TMC1: variants seen among roughly 807,000 people sequenced by gnomAD.
TMC1 encodes transmembrane channel like 1, also known as transmembrane channel-like protein 1.
A neutral mutation model predicts 105.8 loss-of-function variants in TMC1; 84 were observed. The observed-to-expected ratio is 0.79, with a 90% CI of 0.67 to 0.95. The LOEUF (loss-of-function observed/expected upper bound fraction) is 0.95. Among genes scored for constraint, TMC1 ranks in the 40% least tolerant of loss-of-function variants. TMC1 has a pLI of 0.00. For synonymous variants in TMC1, 315 were observed against 311.5 expected, an observed-to-expected ratio of 1.01 and a Z score of -0.12; for missense variants, 817 against 914.1, an observed-to-expected ratio of 0.89 and a Z score of 1.37.
intron 9 of TMC1, among the ~76,000 whole-genome samples, chr9:72,740,861 A>G (rs922758521): frequency 2.6e-5 from 4 of 152,208 alleles, no homozygotes; most frequent in Admixed American, 1.3e-4. Context: ...ATATATATAT[A>G]TACTCACATA....
intron 5 of TMC1, among the ~76,000 whole-genome samples, chr9:72,653,995 T>G (rs1825850169): frequency 6.6e-6 from 1 of 152,232 alleles, no homozygotes; most frequent in Non-Finnish European, 1.5e-5. Context: ...CTGAGTAGTA[T>G]TCTATTGTAT....
chr9:72,712,335 A>C (rs980941684), intron 8 of TMC1, among the ~76,000 whole-genome samples: 14 of 152,144 alleles, frequency 9.2e-5, no homozygotes, highest in African/African-American at 3.4e-4. Flanking sequence ...TGGGGATAGC[A>C]TTGAACCTAC....
At chr9:72,661,603 C>A (rs1349365954) in intron 5 of TMC1, among the ~76,000 whole-genome samples, 1 of 152,120 alleles carries the variant, frequency 6.6e-6, no homozygotes, top group African/African-American at 2.4e-5. Context: ...AAGTATGCAC[C>A]AGTTACATGT....
chr9:72,708,821 G>A (rs111856160), intron 8 of TMC1, among the ~76,000 whole-genome samples: 3 of 152,184 alleles, frequency 2.0e-5, no homozygotes, highest in South Asian at 2.1e-4. Context: ...GGGCATCCTC[G>A]TCTTGTTCCA....
chr9:72,650,873 T>TATATATAC (rs1825794258), intron 5 of TMC1, among the ~76,000 whole-genome samples: 1 of 128,492 alleles, frequency 7.8e-6, no homozygotes, highest in Non-Finnish European at 1.6e-5. Context: ...TGGTGTATTT[T>TATATATAC]ATATATATAG....
intron 8 of TMC1, among the ~76,000 whole-genome samples, chr9:72,706,689 C>T (rs1826745369): frequency 6.6e-6 from 1 of 152,140 alleles, no homozygotes; most frequent in African/African-American, 2.4e-5. Context: ...TTTTCCATTC[C>T]TGAATTACTT....
intron 2 of TMC1, among the ~76,000 whole-genome samples, chr9:72,578,935 GA>G (rs1824432555): frequency 6.6e-6 from 1 of 152,146 alleles, no homozygotes; most frequent in African/African-American, 2.4e-5. Flanking sequence ...GTCGTTGGAT[GA>G]ATTTCCAGTT....
chr9:72,728,358 A>AT (rs1350503511), intron 8 of TMC1, among the ~76,000 whole-genome samples: 1 of 152,184 alleles, frequency 6.6e-6, no homozygotes, highest in African/African-American at 2.4e-5. Context: ...CTCTTGACTG[A>AT]TAAGTCTGGA....
chr9:72,666,322 C>T (rs1826041929), intron 5 of TMC1, among the ~76,000 whole-genome samples: 2 of 151,812 alleles, frequency 1.3e-5, no homozygotes, highest in Non-Finnish European at 2.9e-5. Context: ...ATGAGAGATG[C>T]AATGAGTAAT....
At chr9:72,609,937 C>T (rs1037465100) in intron 2 of TMC1, among the ~76,000 whole-genome samples, 1 of 152,090 alleles carries the variant, frequency 6.6e-6, no homozygotes, top group Non-Finnish European at 1.5e-5. Flanking sequence ...CACCTTTATG[C>T]TCTCTGGACT....
At chr9:72,672,823 A>AACAC (rs34028814) in intron 5 of TMC1, among the ~76,000 whole-genome samples, 6,509 of 139,826 alleles carry the variant, frequency 0.047, 250 homozygotes, top group African/African-American at 0.098. Flanking sequence ...AAGCCTGGGC[A>AACAC]ACACACACAC....
intron 5 of TMC1, among the ~76,000 whole-genome samples, chr9:72,657,986 G>A (rs911524344): frequency 2.6e-5 from 4 of 151,994 alleles, no homozygotes; most frequent in Admixed American, 2.0e-4. Context: ...TGTGGTATGG[G>A]GAAAAGTCAG....
At chr9:72,707,742 G>A (rs1159360172) in intron 8 of TMC1, among the ~76,000 whole-genome samples, 3 of 152,014 alleles carry the variant, frequency 2.0e-5, no homozygotes, top group Non-Finnish European at 4.4e-5. Flanking sequence ...TCCCTTTGCT[G>A]TGCAGAAGCT....
intron 1 of TMC1, among the ~76,000 whole-genome samples, chr9:72,538,394 C>CTTGTA (rs71357577): frequency 0.16 from 22,382 of 143,770 alleles, 1,814 homozygotes; most frequent in Admixed American, 0.19. Context: ...GGATAAAATA[C>CTTGTA]TTGTATTGTA....
intron 2 of TMC1, among the ~76,000 whole-genome samples, chr9:72,578,756 T>C (rs2132097031): frequency 6.6e-6 from 1 of 152,350 alleles, no homozygotes; most frequent in South Asian, 2.1e-4. Context: ...ATAATACATG[T>C]CATTTTTCAT....
intron 1 of TMC1, among the ~76,000 whole-genome samples, chr9:72,528,531 T>C (rs1165444550): frequency 6.6e-6 from 1 of 151,998 alleles, no homozygotes; most frequent in Admixed American, 6.6e-5. Flanking sequence ...ACAGGGTTTC[T>C]CCATGTTGGT....
intron 2 of TMC1, among the ~76,000 whole-genome samples, chr9:72,588,468 G>A (rs190260985): frequency 9.0e-4 from 137 of 152,294 alleles, no homozygotes; most frequent in Non-Finnish European, 1.6e-3. Context: ...GATGCTGGCT[G>A]TAGACAGAGA....
chr9:72,743,746 T>C (rs922138677), intron 10 of TMC1, among the ~76,000 whole-genome samples: 9 of 150,784 alleles, frequency 6.0e-5, no homozygotes, highest in African/African-American at 1.9e-4. Flanking sequence ...AAGGAGAATA[T>C]AGCCAATCAA....
At chr9:72,569,974 T>C (rs1174577115) in intron 1 of TMC1, among the ~76,000 whole-genome samples, 1 of 151,978 alleles carries the variant, frequency 6.6e-6, no homozygotes, top group Non-Finnish European at 1.5e-5. Context: ...GGTGTGTGTG[T>C]GAGGGGGATA....
Sources: allele counts gnomAD v4.1 joint callset (sites outside exome capture counted in the v4.1 genomes callset), GRCh38; gene constraint gnomAD v4.1.1; transcripts MANE v1.5; gene names NCBI Gene and HGNC (gene_info 2026-07-23, HGNC 2026-07-21).